WDR36: variants seen among roughly 807,000 people sequenced by gnomAD.
WDR36 encodes WD repeat domain 36.
WDR36 carries 63 observed loss-of-function variants against 112.7 expected under a neutral mutation model. The ratio of observed to expected loss-of-function variants is 0.56; its 90% CI spans 0.46 to 0.69. WDR36 has a LOEUF of 0.69. WDR36 is among the 30% of genes least tolerant of loss of function. WDR36 has a pLI of 0.00. For missense variants in WDR36, 1,226 were observed against 1,070.3 expected (o/e 1.15, Z -2.03); for synonymous variants, 410 against 362.2 (o/e 1.13, Z -1.50).
At chr5:111,120,852 G>C in intron 18 of WDR36, 144 bp from the exon 19 acceptor site, 3 of 820,222 alleles carry the variant, frequency 3.7e-6, no homozygotes, top group Non-Finnish European at 5.7e-6. Context: ...ATAAGGAAAA[G>C]ACAGGGATAA....
At chr5:111,116,315 T>C (rs1314199719) in intron 16 of WDR36, among the ~76,000 whole-genome samples, 1 of 152,158 alleles carries the variant, frequency 6.6e-6, no homozygotes, top group East Asian at 1.9e-4. Context: ...TTTTCATTTG[T>C]TCTGTCTCAC....
chr5:111,128,022 C>A lies in WDR36; in HGVS notation c.*1139C>A. The A allele has an allele frequency of 5.0e-6, 1 of 201,096 alleles. No individual in the cohort carries two copies. 12.5% of individuals were successfully genotyped at this position (201,096 alleles called of 1,614,324 possible). A position where few individuals can be genotyped will look rare whatever the true frequency, so the allele number is the denominator to read the frequency against. ...CTTTTCTTTCACAACCATTGCAAAC[C>A]CAGGTAGCCCTGGAGTTTTCTTTTT... is the stretch of plus-strand genomic sequence containing the variant. On this transcript the variant is annotated 3_prime_UTR_variant, in exon 23 of 23. Coordinates refer to ENST00000513710, the MANE Select transcript of WDR36 (RefSeq NM_139281.3).
intron 2 of WDR36, among the ~76,000 whole-genome samples, chr5:111,096,130 C>A (rs1434819124): frequency 1.3e-5 from 2 of 152,198 alleles, no homozygotes; most frequent in African/African-American, 4.8e-5. Flanking sequence ...AATCCTGTGT[C>A]TACTAACCCT....
At position 111,129,850 on chromosome 5, in the gene WDR36, T is replaced by G. The variant is rs1417989681; in HGVS notation, c.*2967T>G. On this transcript the variant is annotated 3_prime_UTR_variant, in exon 23 of 23. Transcript: ENST00000513710. ...CTACGACATGTTTCTGTGTGAGTAGTTAACATGTAGATCTTTAGAATTGAT... is the reference window on the plus strand; with the variant it reads ...CTACGACATGTTTCTGTGTGAGTAGGTAACATGTAGATCTTTAGAATTGAT... 1 of 207,786 alleles carries G rather than the reference T, an allele frequency of 4.8e-6. No homozygotes were observed. The highest frequency in any genetic ancestry group is 2.3e-5 in the African/African-American group (1 of 43,934). 12.9% of individuals were successfully genotyped at this position (207,786 alleles called of 1,614,324 possible).
chr5:111,103,547 G>A (rs1357888355), intron 6 of WDR36, among the ~76,000 whole-genome samples: 2 of 151,730 alleles, frequency 1.3e-5, no homozygotes, highest in Admixed American at 6.6e-5. Flanking sequence ...TTGGGAATGA[G>A]GATGGGATGT....
At chr5:111,106,202 A>G in intron 11 of WDR36, 59 bp downstream of exon 11, 10 of 1,397,168 alleles carry the variant, frequency 7.2e-6, no homozygotes, top group South Asian at 1.2e-5. Flanking sequence ...TTCCTACTGT[A>G]TGCTGTTTTA....
rs111411455 is a variant in WDR36, at chr5:111,102,315, T to TA, written c.543-29dup. 6.5e-5 allele frequency: 97 copies of TA among 1,493,088 alleles called. No individual in the cohort carries two copies. The South Asian group carries it at 9.4e-4, about 14-fold the overall frequency. The allele number at this position is 1,493,088 out of a possible 1,614,324, so 92.5% of individuals were successfully genotyped here. ...TTGTTTTCCTCCAAAAAAAAAAAAA[T>TA]ACAGCTTTCAACTATTTTTCTTCTT... is the stretch of plus-strand genomic sequence containing the variant. On this transcript the variant is annotated intron_variant, in intron 5 of 22. Transcript: ENST00000513710.
intron 22 of WDR36, 116 bp from the exon 23 acceptor site, chr5:111,126,618 T>A (rs1233006940): frequency 3.3e-6 from 4 of 1,214,640 alleles, no homozygotes; most frequent in Non-Finnish European, 4.7e-6. Flanking sequence ...AACCAGCGCT[T>A]AAGAAAACAA....
At chr5:111,115,728 A>G (rs1753441859) in intron 16 of WDR36, among the ~76,000 whole-genome samples, 1 of 152,220 alleles carries the variant, frequency 6.6e-6, no homozygotes, top group Non-Finnish European at 1.5e-5. Flanking sequence ...ACATACAGGT[A>G]TATCCATCTG....
intron 10 of WDR36, 29 bp downstream of exon 10, chr5:111,105,389 G>T: frequency 6.3e-7 from 1 of 1,584,576 alleles, no homozygotes; most frequent in South Asian, 1.1e-5. Flanking sequence ...AAAATAAGCT[G>T]GTCACGAAAG....
At chr5:111,093,322 C>G (rs1181933001) in intron 1 of WDR36, among the ~76,000 whole-genome samples, 1 of 152,214 alleles carries the variant, frequency 6.6e-6, no homozygotes, top group African/African-American at 2.4e-5. Context: ...AATGTAACCT[C>G]TGTGAGAACA....
chr5:111,110,208 G>T lies in WDR36; in HGVS notation c.1346G>T (p.Cys449Phe), dbSNP rs199915684. ...TTAAAGGCAGTGGATATAACTTCTT[G>T]TGGAAACTTTGCTGTAATTGGCCTC... Reference protein sequence around the residue: ...ITATAVDITSCGNFAVIGLSS... With the variant: ...ITATAVDITSFGNFAVIGLSS... The change falls in exon 13 of 23, where the codon TGT (cysteine) becomes TTT (phenylalanine). Residue 449 changes from cysteine to phenylalanine, a missense_variant. Coordinates refer to ENST00000513710, the MANE Select transcript of WDR36 (RefSeq NM_139281.3). The T allele has an allele frequency of 1.0e-4, 161 of 1,610,322 alleles. No homozygotes were observed. The highest frequency in any genetic ancestry group is 1.3e-4 in the Non-Finnish European group (151 of 1,177,330).
intron 8 of WDR36, 91 bp from the exon 9 acceptor site, chr5:111,104,606 C>G: frequency 6.3e-7 from 1 of 1,589,864 alleles, no homozygotes; most frequent in South Asian, 1.1e-5. Flanking sequence ...AAGCACTACT[C>G]AATACCAGTT....
At position 111,106,609 on chromosome 5, in the gene WDR36, C is replaced by T. The variant is rs115411990; in HGVS notation, c.1180+466C>T. The stretch of plus-strand genomic sequence containing the variant: ...GCGTGAAATCTATCATGGGAAATTA[C>T]TGTAGAGGCACCATTTCTATTTGAA... On this transcript the variant is annotated intron_variant, in intron 11 of 22. Coordinates refer to ENST00000513710, the MANE Select transcript of WDR36 (RefSeq NM_139281.3). Among the ~76,000 whole-genome samples, 580 of 151,528 alleles carry T rather than the reference C, an allele frequency of 3.8e-3. 3 individuals carry two copies. Among genetic ancestry groups the T allele is most frequent in the African/African-American group, 0.013 (541 of 41,456 alleles).
At chr5:111,109,182 A>C (rs897788861) in intron 12 of WDR36, among the ~76,000 whole-genome samples, 2 of 151,352 alleles carry the variant, frequency 1.3e-5, no homozygotes, top group African/African-American at 4.8e-5. Context: ...AGGTTATAGC[A>C]TACAAGCTCC....
intron 16 of WDR36, among the ~76,000 whole-genome samples, chr5:111,115,409 A>G (rs1753436224): frequency 6.6e-6 from 1 of 152,142 alleles, no homozygotes; most frequent in African/African-American, 2.4e-5. Context: ...GTCCCATTTC[A>G]AAAATGAGGA....
Position 111,127,141 on chromosome 5 carries a change from A to C in WDR36, c.*258A>C. The C allele has an allele frequency of 2.8e-6, 1 of 355,110 alleles. No individual in the cohort carries two copies. The highest frequency in any genetic ancestry group is 5.1e-6 in the Non-Finnish European group (1 of 197,794). 22.0% of individuals were successfully genotyped at this position (355,110 alleles called of 1,614,324 possible). A position where few individuals can be genotyped will look rare whatever the true frequency, so the allele number is the denominator to read the frequency against. ...TGCTTGAAGCCAGGAATTTGAGCCC[A>C]GCCTGGGCAACATAGCAAGCAAGAT... is the stretch of plus-strand genomic sequence containing the variant. On this transcript the variant is annotated 3_prime_UTR_variant, in exon 23 of 23. Coordinates refer to ENST00000513710, the MANE Select transcript of WDR36 (RefSeq NM_139281.3).
chr5:111,102,587 A>G (rs1190000435), intron 6 of WDR36, among the ~76,000 whole-genome samples, 188 bp downstream of exon 6: 1 of 151,788 alleles, frequency 6.6e-6, no homozygotes, highest in Admixed American at 6.6e-5. Context: ...GCCTTTGCCA[A>G]TAACACTTAT....
chr5:111,092,704 C>T (rs1298935768), intron 1 of WDR36, 86 bp downstream of exon 1: 2 of 1,416,484 alleles, frequency 1.4e-6, no homozygotes, highest in South Asian at 1.2e-5. Context: ...TTCTCCCTTC[C>T]CATTTACCAC....
Sources: gnomAD v4.1 joint callset for allele counts (sites outside exome capture counted in the v4.1 genomes callset) on GRCh38, gnomAD v4.1.1 for gene constraint, MANE v1.5 for transcripts, NCBI Gene and HGNC (gene_info 2026-07-23, HGNC 2026-07-21) for gene names.